Variants in MOCOS observed in about 807,000 individuals in gnomAD.
The protein encoded by MOCOS is human molybdenum cofactor sulfurase.
A neutral mutation model predicts 83.6 loss-of-function variants in MOCOS; 86 were observed. The ratio of observed to expected loss-of-function variants is 1.03; its 90% CI spans 0.86 to 1.23. The LOEUF is 1.23. Ranked by LOEUF, MOCOS falls within the 50% of genes most tolerant of loss-of-function variation. The pLI is 0.00. For missense variants in MOCOS, 1,120 were observed against 1,126.9 expected (o/e 0.99, Z 0.09); for synonymous variants, 445 against 434.7 (o/e 1.02, Z -0.29).
intron 4 of MOCOS, among the ~76,000 whole-genome samples, chr18:36,201,663 C>CTAAAAAAAAAA (rs2091415137): frequency 1.4e-5 from 1 of 69,444 alleles, no homozygotes; most frequent in Admixed American, 1.9e-4. Context: ...ACTCCATCTC[C>CTAAAAAAAAAA]AAAAAAAAAA....
intron 9 of MOCOS, among the ~76,000 whole-genome samples, chr18:36,232,855 TACACACACACAC>T (rs71168208): frequency 1.4e-4 from 21 of 147,746 alleles, no homozygotes; most frequent in East Asian, 2.0e-4. Context: ...AATATTCCAT[TACACACACACAC>T]ACACACACAC....
At chr18:36,213,694 C>T (rs1035650783) in intron 7 of MOCOS, among the ~76,000 whole-genome samples, 28 of 151,986 alleles carry the variant, frequency 1.8e-4, no homozygotes, top group Non-Finnish European at 3.5e-4. Flanking sequence ...TTTGGGAGGC[C>T]GAGGCAGGTG....
Position 36,268,901 on chromosome 18 carries a change from G to A in MOCOS, c.*216G>A, listed in dbSNP as rs898977010. On this transcript the variant is annotated 3_prime_UTR_variant, in exon 15 of 15. Transcript: ENST00000261326. ...AGAGCACTTCTGAGGCCTCAGGAAC[G>A]AATGCTGCACCCACATCCAGTGAGG... 3 of 579,600 alleles carry A rather than the reference G, an allele frequency of 5.2e-6. No homozygotes were observed. Among genetic ancestry groups the A allele is most frequent in the Admixed American group, 6.1e-5 (2 of 32,814 alleles). The allele number at this position is 579,600 out of a possible 1,614,324, so 35.9% of individuals were successfully genotyped here.
chr18:36,218,699 T>A (rs1303014512), intron 8 of MOCOS, among the ~76,000 whole-genome samples: 1 of 151,888 alleles, frequency 6.6e-6, no homozygotes, highest in Non-Finnish European at 1.5e-5. Context: ...TTTTCATTTT[T>A]TTTAGAGACA....
At chr18:36,193,317 CAAAAAAAAAAAAAAAAAAAAAAAAAAA>C (rs555145311) in intron 1 of MOCOS, among the ~76,000 whole-genome samples, 2 of 38,304 alleles carry the variant, frequency 5.2e-5, no homozygotes, top group African/African-American at 2.0e-4. Flanking sequence ...GACTCCGTCT[CAAAAAAAAAAAAAAAAAAAAAAAAAAA>C]AAAAAAAAAA....
intron 9 of MOCOS, 123 bp downstream of exon 9, chr18:36,220,340 T>C: frequency 9.5e-7 from 1 of 1,049,014 alleles, no homozygotes; most frequent in Non-Finnish European, 1.3e-6. Flanking sequence ...ACCTCATCTC[T>C]ACAAAAAAAA....
In MOCOS at chr18:36,191,032, G is replaced by GA. The variant is rs1246789036; in HGVS notation, c.142+3356dup. On this transcript the variant is annotated intron_variant, in intron 1 of 14. Coordinates refer to ENST00000261326, the MANE Select transcript of MOCOS (RefSeq NM_017947.4). ...AGACCCTATCTCTCAAAAAAAAAAA[G>GA]AAAAAGAAAAAAAAGTGTGTAGCAC... Among the ~76,000 whole-genome samples the GA allele has an allele frequency of 4.2e-3, 532 of 126,772 alleles. 36 individuals carry two copies. The highest frequency in any genetic ancestry group is 0.012 in the African/African-American group (396 of 31,896). The allele number at this position is 126,772 out of a possible 152,430, so 83.2% of individuals were successfully genotyped here.
chr18:36,229,993 G>C (rs1352887683), intron 9 of MOCOS, among the ~76,000 whole-genome samples: 1 of 152,070 alleles, frequency 6.6e-6, no homozygotes, highest in Admixed American at 6.6e-5. Context: ...ATTAGGGTCA[G>C]TTGCTGGAAA....
At chr18:36,224,324 T>C (rs2091507709) in intron 9 of MOCOS, among the ~76,000 whole-genome samples, 1 of 152,208 alleles carries the variant, frequency 6.6e-6, no homozygotes, top group South Asian at 2.1e-4. Context: ...TCCAGTACTA[T>C]GTCAAATAGT....
intron 9 of MOCOS, among the ~76,000 whole-genome samples, chr18:36,228,702 G>A (rs932898916): frequency 2.0e-5 from 3 of 152,034 alleles, no homozygotes; most frequent in Non-Finnish European, 4.4e-5. Flanking sequence ...TGGGAGGATG[G>A]GGAGGATCAG....
intron 9 of MOCOS, among the ~76,000 whole-genome samples, chr18:36,230,211 T>C (rs894032495): frequency 1.1e-4 from 16 of 152,186 alleles, no homozygotes; most frequent in African/African-American, 3.1e-4. Context: ...GCCTCCCGAG[T>C]AGCTGGGTTT....
intron 6 of MOCOS, among the ~76,000 whole-genome samples, chr18:36,209,615 T>A (rs964417315): frequency 6.6e-6 from 1 of 152,194 alleles, no homozygotes; most frequent in Non-Finnish European, 1.5e-5. Context: ...CTGAGTTATT[T>A]CACTTAGAAT....
intron 9 of MOCOS, among the ~76,000 whole-genome samples, chr18:36,222,348 C>T (rs1397942836): frequency 1.3e-5 from 2 of 152,092 alleles, no homozygotes; most frequent in East Asian, 3.9e-4. Context: ...ACATACCCAC[C>T]AGTGGTTGCA....
chr18:36,266,840 G>A lies in MOCOS; in HGVS notation c.2501G>A (p.Ser834Asn), dbSNP rs1432229803. 3 of 1,613,918 alleles carry A rather than the reference G, an allele frequency of 1.9e-6. No individual in the cohort carries two copies. The highest frequency in any genetic ancestry group is 1.7e-6 in the Non-Finnish European group (2 of 1,179,910). Residue 834 changes from serine (S) to asparagine (N), a missense_variant, in exon 14 of 15, where the codon AGT (serine) becomes AAT (asparagine). Ser to Asn is a conservative substitution (Grantham distance 46). Coordinates refer to ENST00000261326, the MANE Select transcript of MOCOS (RefSeq NM_017947.4). ...CATGTTTTCCAAAAACTTTCTGAGA[G>A]TCGTGAAACAAAGGTAAGCGTGATT... ...NQHVFQKLSE[S>N]RETKVNFGMY...
intron 1 of MOCOS, among the ~76,000 whole-genome samples, chr18:36,193,198 C>G (rs2091373033): frequency 6.6e-6 from 1 of 150,476 alleles, no homozygotes; most frequent in Non-Finnish European, 1.5e-5. Flanking sequence ...GTAGTCCCAG[C>G]TACTCGGGAG....
chr18:36,245,264 A>C (rs983050582), intron 9 of MOCOS, among the ~76,000 whole-genome samples: 1 of 152,086 alleles, frequency 6.6e-6, no homozygotes, highest in African/African-American at 2.4e-5. Flanking sequence ...GGTGTATTTC[A>C]AAGTTTTGTT....
chr18:36,218,548 T>C (rs1478180599), intron 8 of MOCOS, among the ~76,000 whole-genome samples: 2 of 152,194 alleles, frequency 1.3e-5, no homozygotes, highest in Non-Finnish European at 1.5e-5. Context: ...GGGATCTCAC[T>C]CTGTCTCCCA....
chr18:36,213,897 C>T (rs998201813), intron 7 of MOCOS, among the ~76,000 whole-genome samples: 7 of 150,544 alleles, frequency 4.6e-5, no homozygotes, highest in African/African-American at 1.7e-4. Context: ...CCATTGCACT[C>T]CAGTGCCTGG....
chr18:36,207,424 A>T (rs1424286025), intron 6 of MOCOS, among the ~76,000 whole-genome samples: 1 of 152,184 alleles, frequency 6.6e-6, no homozygotes, highest in African/African-American at 2.4e-5. Context: ...CTAGCAGTGT[A>T]TAAGTGTTTT....
Sources: allele counts gnomAD v4.1 joint callset (sites outside exome capture counted in the v4.1 genomes callset), GRCh38; gene constraint gnomAD v4.1.1; transcripts MANE v1.5; gene names NCBI Gene and HGNC (gene_info 2026-07-23, HGNC 2026-07-21).